TMEM266: variants seen among roughly 807,000 people sequenced by gnomAD.
TMEM266 encodes the protein Hv1 related protein 1.
TMEM266 carries 33 observed loss-of-function variants against 50.5 expected under a neutral mutation model. The ratio of observed to expected loss-of-function variants is 0.65; its 90% CI spans 0.50 to 0.87. The LOEUF (loss-of-function observed/expected upper bound fraction) is 0.87, where lower values mean the gene tolerates loss of function less well. Ranked by LOEUF, TMEM266 falls within the 40% of genes least tolerant of loss-of-function variation. The pLI, the probability that TMEM266 is intolerant of heterozygous loss-of-function variation, is 0.00. For missense variants in TMEM266, 655 were observed against 695.1 expected, an observed-to-expected ratio of 0.94 and a Z score of 0.65; for synonymous variants, 310 against 292.3, an observed-to-expected ratio of 1.06 and a Z score of -0.62.
rs535271316 is a variant in TMEM266 at position 76,161,374 on chromosome 15, G to C, written c.456+1206G>C. On this transcript the variant is annotated intron_variant, in intron 5 of 10. Transcript: ENST00000388942. This position sits in a 1 kb window ranked among gnomAD's most constrained non-coding sequence, Gnocchi z 4.1. ...GAAGGATGCTATGGGAGAGGGTGGC[G>C]TGGGCAGAGGCACTGAGGTGGGGAA... Among the ~76,000 whole-genome samples, 4 of 152,102 alleles carry C rather than the reference G, an allele frequency of 2.6e-5. No homozygotes were observed. The highest frequency in any genetic ancestry group is 9.7e-5 in the African/African-American group (4 of 41,414).
chr15:76,199,837 A>G (rs2038715973), intron 9 of TMEM266, among the ~76,000 whole-genome samples: 1 of 150,738 alleles, frequency 6.6e-6, no homozygotes, highest in African/African-American at 2.4e-5. Flanking sequence ...GAAACCAGGG[A>G]GGGGTAGAGA....
intron 1 of TMEM266, among the ~76,000 whole-genome samples, chr15:76,092,734 A>G (rs952393254): frequency 6.6e-6 from 1 of 151,638 alleles, no homozygotes; most frequent in Non-Finnish European, 1.5e-5. Context: ...CTGAATCTAT[A>G]CTATGTTCTA....
intron 1 of TMEM266, among the ~76,000 whole-genome samples, chr15:76,082,449 A>C (rs2036709275): frequency 6.6e-6 from 1 of 152,210 alleles, no homozygotes; most frequent in South Asian, 2.1e-4. Flanking sequence ...AGAGAGAAGA[A>C]AATAATGTAT....
At chr15:76,111,184 G>T (rs990885984) in intron 1 of TMEM266, among the ~76,000 whole-genome samples, 1 of 151,802 alleles carries the variant, frequency 6.6e-6, no homozygotes, top group African/African-American at 2.4e-5. Flanking sequence ...GGGTTCAAGC[G>T]ATTCTCCTGT....
intron 1 of TMEM266, among the ~76,000 whole-genome samples, chr15:76,081,222 A>G (rs1384492187): frequency 6.6e-6 from 1 of 152,232 alleles, no homozygotes; most frequent in African/African-American, 2.4e-5. Context: ...CTTTTCTCCC[A>G]TGCTATTGAC....
At chr15:76,069,650 C>A (rs2036504811) in intron 1 of TMEM266, among the ~76,000 whole-genome samples, 1 of 152,096 alleles carries the variant, frequency 6.6e-6, no homozygotes. Context: ...GAAACCCCAT[C>A]TCTACTAAAT....
At chr15:76,184,584 A>G (rs2038467272) in intron 8 of TMEM266, among the ~76,000 whole-genome samples, 2 of 152,258 alleles carry the variant, frequency 1.3e-5, no homozygotes, top group African/African-American at 4.8e-5. Flanking sequence ...CACTAATAGG[A>G]TGGAGCAGAA....
At position 76,131,044 on chromosome 15, in the gene TMEM266, A is replaced by G. The variant is rs113267211; in HGVS notation, c.-96-3124A>G. Among the ~76,000 whole-genome samples the G allele has an allele frequency of 5.7e-3, 865 of 152,276 alleles. 9 individuals are homozygous for G. The highest frequency in any genetic ancestry group is 0.02 in the African/African-American group (831 of 41,542). ...CCATGAAAGTAATGACCTTCCCATT[A>G]TATCCCCCACAGGGCTAATACCTTG... On this transcript the variant is annotated intron_variant, in intron 1 of 10. Transcript: ENST00000388942.
chr15:76,169,702 G>A, intron 5 of TMEM266, 114 bp from the exon 6 acceptor site: 1 of 1,203,768 alleles, frequency 8.3e-7, no homozygotes, highest in South Asian at 1.3e-5. Flanking sequence ...GTGGATGGCG[G>A]AGACCTTTTC....
intron 1 of TMEM266, among the ~76,000 whole-genome samples, chr15:76,117,469 G>A (rs915853795): frequency 3.9e-5 from 6 of 152,220 alleles, no homozygotes; most frequent in Non-Finnish European, 5.9e-5. Context: ...CCCAGTCTGG[G>A]ACCATCTCCA....
intron 1 of TMEM266, among the ~76,000 whole-genome samples, chr15:76,098,389 G>A (rs2142002185): frequency 6.6e-6 from 1 of 152,176 alleles, no homozygotes; most frequent in African/African-American, 2.4e-5. Context: ...GACCCTGTTT[G>A]CCTGGGCATC....
chr15:76,181,614 C>T (rs16967947), intron 8 of TMEM266: 19,189 of 152,080 alleles, frequency 0.13, 1,779 homozygotes, highest in East Asian at 0.43. Flanking sequence ...AATTTCATGA[C>T]GAGTTAGGCT....
intron 1 of TMEM266, among the ~76,000 whole-genome samples, chr15:76,066,555 G>T (rs1051520858): frequency 1.3e-5 from 2 of 151,416 alleles, no homozygotes; most frequent in African/African-American, 2.4e-5. Flanking sequence ...GAGCCACTGT[G>T]TTCTAGTCCT....
chr15:76,075,674 C>T (rs2036594564), intron 1 of TMEM266, among the ~76,000 whole-genome samples: 1 of 151,842 alleles, frequency 6.6e-6, no homozygotes, highest in African/African-American at 2.4e-5. Flanking sequence ...AAATGAATCA[C>T]ACCACAGCCC....
At chr15:76,101,456 C>A (rs2036998199) in intron 1 of TMEM266, among the ~76,000 whole-genome samples, 1 of 152,204 alleles carries the variant, frequency 6.6e-6, no homozygotes, top group Admixed American at 6.5e-5. Flanking sequence ...GTTATCCAGG[C>A]AGTGCCCTGT....
chr15:76,175,895 C>T, intron 8 of TMEM266: 2 of 464,996 alleles, frequency 4.3e-6, no homozygotes, highest in South Asian at 4.7e-5. Context: ...GACTCCCAGG[C>T]CAGGGTTCTT....
At chr15:76,068,161 C>T (rs999014150) in intron 1 of TMEM266, among the ~76,000 whole-genome samples, 2 of 152,156 alleles carry the variant, frequency 1.3e-5, no homozygotes, top group African/African-American at 4.8e-5. Context: ...ATGCCATACC[C>T]AAAGGCTAAA....
chr15:76,086,863 G>T (rs558460176), intron 1 of TMEM266, among the ~76,000 whole-genome samples: 2 of 150,486 alleles, frequency 1.3e-5, no homozygotes, highest in East Asian at 4.0e-4. Context: ...CTGATTGTTT[G>T]CAGGAGGGGA....
At chr15:76,169,909 G>T in intron 6 of TMEM266, 37 bp downstream of exon 6, 1 of 1,597,720 alleles carries the variant, frequency 6.3e-7, no homozygotes, top group South Asian at 1.1e-5. Flanking sequence ...CCCCCACTCT[G>T]CCATCCTGGA....
Sources: gnomAD v4.1 joint callset for allele counts (sites outside exome capture counted in the v4.1 genomes callset) on GRCh38, gnomAD v4.1.1 for gene constraint, Gnocchi (gnomAD v3.1) non-coding constraint, MANE v1.5 for transcripts, NCBI Gene and HGNC (gene_info 2026-07-23, HGNC 2026-07-21) for gene names.